PCDH11X: variants seen among roughly 807,000 people sequenced by gnomAD.
PCDH11X encodes the protein protocadherin 11 X-linked.
A neutral mutation model predicts 53.3 loss-of-function variants in PCDH11X; 18 were observed. The observed-to-expected ratio is 0.34, with a 90% CI of 0.23 to 0.50. The LOEUF is 0.50. PCDH11X is among the 20% of genes least tolerant of loss of function. The pLI is 0.98. For missense variants in PCDH11X, 570 were observed against 1,032.4 expected, an observed-to-expected ratio of 0.55 and a Z score of 6.14; for synonymous variants, 279 against 393.3, an observed-to-expected ratio of 0.71 and a Z score of 3.44.
At chrX:91,872,344 A>G (rs1183255553) in intron 5 of PCDH11X, among the ~76,000 whole-genome samples, 19 of 108,792 alleles carry the variant, frequency 1.7e-4, no homozygotes, top group African/African-American at 6.3e-4. Flanking sequence ...AAAAAAACCC[A>G]AGTCAACAAT....
intron 6 of PCDH11X, among the ~76,000 whole-genome samples, chrX:92,104,732 A>C (rs1243541869): frequency 9.0e-6 from 1 of 110,563 alleles, no homozygotes; most frequent in African/African-American, 3.3e-5. Context: ...GAGTAGAGAC[A>C]TGGAGAAGGG....
chrX:92,280,406 G>GGC (rs1318356804), intron 8 of PCDH11X, among the ~76,000 whole-genome samples: 1 of 109,798 alleles, frequency 9.1e-6, no homozygotes, highest in African/African-American at 3.3e-5. Context: ...AAATTAGCTG[G>GGC]GCGTGGTGGT....
chrX:91,917,622 G>A (rs1368533699), intron 6 of PCDH11X, among the ~76,000 whole-genome samples: 3 of 82,343 alleles, frequency 3.6e-5, no homozygotes, highest in Non-Finnish European at 7.1e-5. Context: ...ATTAACCAAG[G>A]AGGTCAAAGA....
rs773631622 is a variant in PCDH11X at position 92,423,996 on chromosome X, G to T, written c.3343+36063G>T. ...CTTTTTTGGTTTCATGTATGAACTG[G>T]GGGATTGTTTTTTCTAGTTCTGTGA... On this transcript the variant is annotated intron_variant, in intron 9 of 10. Transcript: ENST00000682573. Among the ~76,000 whole-genome samples, 3 of 80,508 alleles carry T rather than the reference G, an allele frequency of 3.7e-5. 1 individual carries two copies. The Admixed American group carries it at 5.3e-4, about 14-fold the overall frequency. The allele number at this position is 80,508 out of a possible 115,157, so 69.9% of individuals were successfully genotyped here.
At chrX:92,236,051 C>G (rs1315409410) in intron 7 of PCDH11X, among the ~76,000 whole-genome samples, 1 of 111,416 alleles carries the variant, frequency 9.0e-6, no homozygotes, top group Admixed American at 9.6e-5. Flanking sequence ...TAACAAAATG[C>G]TAACAGTCTG....
At chrX:91,797,879 G>T (rs924062013) in intron 1 of PCDH11X, among the ~76,000 whole-genome samples, 12 of 111,448 alleles carry the variant, frequency 1.1e-4, no homozygotes, top group African/African-American at 3.9e-4. Context: ...TCTTCTCTTG[G>T]ATTTATTTTC....
intron 6 of PCDH11X, among the ~76,000 whole-genome samples, chrX:91,953,716 A>T (rs2061672392): frequency 9.1e-6 from 1 of 109,565 alleles, no homozygotes; most frequent in African/African-American, 3.4e-5. Flanking sequence ...ACATTGTTTT[A>T]ATATTCTCTA....
At chrX:92,604,296 G>A (rs1368523628) in intron 10 of PCDH11X, among the ~76,000 whole-genome samples, 2 of 109,388 alleles carry the variant, frequency 1.8e-5, no homozygotes, top group East Asian at 5.7e-4. Flanking sequence ...ACATATATAT[G>A]TTACAGAAAA....
intron 8 of PCDH11X, among the ~76,000 whole-genome samples, chrX:92,346,009 ATGT>A (rs2069886593): frequency 9.0e-6 from 1 of 110,579 alleles, no homozygotes; most frequent in East Asian, 2.9e-4. Context: ...TTAAAGTAAA[ATGT>A]TGTTGTTTTG....
At chrX:91,975,049 G>A (rs1227936774) in intron 6 of PCDH11X, among the ~76,000 whole-genome samples, 1 of 111,167 alleles carries the variant, frequency 9.0e-6, no homozygotes, top group African/African-American at 3.3e-5. Context: ...GCCACGCCTG[G>A]CCTTTTACTT....
intron 6 of PCDH11X, among the ~76,000 whole-genome samples, chrX:92,140,354 TTTAATATTTACTA>T (rs1484932525): frequency 2.7e-5 from 3 of 111,618 alleles, no homozygotes; most frequent in South Asian, 3.7e-4. Context: ...TTCAAAAACT[TTTAATATTTACTA>T]GGCTATGTTA....
rs767701668 is a variant in PCDH11X, at chrX:92,189,194, T to G, written c.3034-12181T>G. ...TAAGCCCAGCATCCATTAGCTATTCTTCCTGATGCTCTCCCTCCTCCAGCC... is the reference window on the plus strand; with the variant it reads ...TAAGCCCAGCATCCATTAGCTATTCGTCCTGATGCTCTCCCTCCTCCAGCC... On this transcript the variant is annotated intron_variant, in intron 6 of 10. Coordinates refer to ENST00000682573, the MANE Select transcript of PCDH11X (RefSeq NM_032968.5). Among the ~76,000 whole-genome samples, 3 of 111,256 alleles carry G rather than the reference T, an allele frequency of 2.7e-5. No individual in the cohort carries two copies. The South Asian group carries it at 1.2e-3, about 43-fold the overall frequency.
chrX:92,511,385 A>C (rs1463471676), intron 10 of PCDH11X, among the ~76,000 whole-genome samples: 1 of 111,617 alleles, frequency 9.0e-6, no homozygotes, highest in Non-Finnish European at 1.9e-5. Context: ...GCAAATAGCC[A>C]ATGTTAATGT....
At chrX:92,259,444 G>C (rs763719625) in intron 7 of PCDH11X, among the ~76,000 whole-genome samples, 1 of 111,202 alleles carries the variant, frequency 9.0e-6, no homozygotes, top group Non-Finnish European at 1.9e-5. Context: ...CACATAGTTA[G>C]AGAAGAACCA....
chrX:92,519,002 C>A (rs149803337), intron 10 of PCDH11X, among the ~76,000 whole-genome samples: 47 of 109,916 alleles, frequency 4.3e-4, no homozygotes, highest in African/African-American at 1.6e-3. Context: ...CGTGATCCGC[C>A]TTCATCAGCC....
chrX:91,865,909 C>T (rs183843702), intron 5 of PCDH11X, among the ~76,000 whole-genome samples: 1 of 110,661 alleles, frequency 9.0e-6, no homozygotes, highest in African/African-American at 3.3e-5. Context: ...GGGCTCCCCT[C>T]TGTTCCAGCA....
At chrX:92,563,047 G>GTTTTTTTTTTTT (rs61411325) in intron 10 of PCDH11X, among the ~76,000 whole-genome samples, 4 of 43,875 alleles carry the variant, frequency 9.1e-5, no homozygotes, top group Non-Finnish European at 1.1e-4. Flanking sequence ...CCTTGGTACC[G>GTTTTTTTTTTTT]TTTTTTTTTT....
intron 6 of PCDH11X, among the ~76,000 whole-genome samples, chrX:91,893,937 G>A (rs1304292798): frequency 1.8e-5 from 2 of 111,587 alleles, no homozygotes; most frequent in Admixed American, 1.9e-4. Flanking sequence ...AAACCACCGA[G>A]TTCTTAAGTT....
At chrX:92,001,147 T>C (rs2062502215) in intron 6 of PCDH11X, among the ~76,000 whole-genome samples, 2 of 111,178 alleles carry the variant, frequency 1.8e-5, no homozygotes, top group South Asian at 7.6e-4. Context: ...TTTTGAGGAA[T>C]CTCCTAACTA....
Sources: gnomAD v4.1 joint callset for allele counts (sites outside exome capture counted in the v4.1 genomes callset) on GRCh38, gnomAD v4.1.1 for gene constraint, MANE v1.5 for transcripts, NCBI Gene and HGNC (gene_info 2026-07-23, HGNC 2026-07-21) for gene names.